The following TRMT10C variants were observed in gnomAD, a reference collection of about 807,000 sequenced individuals.
TRMT10C encodes the protein tRNA methyltransferase 10 homolog C.
In TRMT10C, 14 loss-of-function variants were observed where a neutral mutation model predicts 27.4. The ratio of observed to expected loss-of-function variants is 0.51; its 90% CI spans 0.34 to 0.80. TRMT10C has a LOEUF of 0.80. TRMT10C is among the 30% of genes least tolerant of loss of function. TRMT10C has a pLI of 0.02. For missense variants in TRMT10C, 438 were observed against 464.8 expected (o/e 0.94, Z 0.53); for synonymous variants, 143 against 155.9 (o/e 0.92, Z 0.62).
chr3:101,564,468 C>T (rs1934475314), intron 1 of TRMT10C, among the ~76,000 whole-genome samples: 1 of 151,844 alleles, frequency 6.6e-6, no homozygotes, highest in Non-Finnish European at 1.5e-5. Context: ...CCATGTTGGC[C>T]AGGCTAGTCT....
In TRMT10C at chr3:101,566,137, A is replaced by T; in HGVS notation, c.*144A>T. 1.1e-6 allele frequency: 1 copy of T among 948,254 alleles called. No individual in the cohort carries two copies. Among genetic ancestry groups the T allele is most frequent in the Non-Finnish European group, 1.5e-6 (1 of 652,028 alleles). The allele number at this position is 948,254 out of a possible 1,614,324, so 58.7% of individuals were successfully genotyped here. On this transcript the variant is annotated 3_prime_UTR_variant, in exon 2 of 2. Transcript: ENST00000309922. ...CAATTCATTTTTCTCTTCTAAAGGT[A>T]GTCTTTCCCAACTGACTGTAGGGTT...
chr3:101,564,068 C>T (rs1193545084), intron 1 of TRMT10C, among the ~76,000 whole-genome samples: 1 of 151,738 alleles, frequency 6.6e-6, no homozygotes, highest in Non-Finnish European at 1.5e-5. Flanking sequence ...ATGTTTGGTT[C>T]TGTATCTGGG....
chr3:101,564,878 T>A lies in TRMT10C; in HGVS notation c.97T>A (p.Leu33Ile). 1.2e-6 allele frequency: 2 copies of A among 1,614,082 alleles called. No individual in the cohort carries two copies. Among genetic ancestry groups the A allele is most frequent in the Non-Finnish European group, 1.7e-6 (2 of 1,179,998 alleles). Residue 33 changes from leucine (L) to isoleucine (I), a missense_variant, in exon 2 of 2, where the codon TTA (leucine) becomes ATA (isoleucine). Coordinates refer to ENST00000309922, the MANE Select transcript of TRMT10C (RefSeq NM_017819.4). ...PFTLHRKRNN[L>I]TILQRYMSSK... ...TACCCTTCATAGGAAGAGAAATAAC[T>A]TAACAATTTTGCAGAGATACATGTC... is the stretch of plus-strand genomic sequence containing the variant.
rs1250671577 is a variant in TRMT10C at position 101,565,825 on chromosome 3, CA to C, written c.1049del (p.Asn350IlefsTer4). Reference protein sequence around the residue: ...DKYLQWEIGNKNLTLDQMIRI... With the variant: ...DKYLQWEIGNXNLTLDQMIRI... ...AATATTTACAATGGGAAATTGGTAA[CA>C]AAAATCTCACCTTAGATCAAATGAT... On this transcript the variant is annotated frameshift_variant, in exon 2 of 2. Transcript: ENST00000309922. LOFTEE classifies it high-confidence loss of function. 6.2e-7 allele frequency: 1 copy of C among 1,613,952 alleles called. No individual in the cohort carries two copies. The highest frequency in any genetic ancestry group is 8.5e-7 in the Non-Finnish European group (1 of 1,179,940).
chr3:101,562,843 G>A (rs1461263130), intron 1 of TRMT10C, among the ~76,000 whole-genome samples: 2 of 152,046 alleles, frequency 1.3e-5, no homozygotes, highest in Non-Finnish European at 2.9e-5. Context: ...ACCATCTAGT[G>A]AGGCAAATAG....
At chr3:101,564,135 A>G (rs1934469257) in intron 1 of TRMT10C, among the ~76,000 whole-genome samples, 1 of 152,056 alleles carries the variant, frequency 6.6e-6, no homozygotes, top group African/African-American at 2.4e-5. Context: ...TCGGTGGTAC[A>G]TAACTTTGTT....
intron 1 of TRMT10C, among the ~76,000 whole-genome samples, chr3:101,563,197 C>T (rs1160178642): frequency 6.6e-6 from 1 of 151,192 alleles, no homozygotes; most frequent in Admixed American, 6.6e-5. Flanking sequence ...CTCACTGCAA[C>T]TTCCGCCCCC....
Position 101,564,804 on chromosome 3 carries a change from G to T in TRMT10C, c.23G>T (p.Ser8Ile). The T allele has an allele frequency of 6.3e-7, 1 of 1,597,342 alleles. No homozygotes were observed. The highest frequency in any genetic ancestry group is 8.5e-7 in the Non-Finnish European group (1 of 1,170,140). Residue 8 changes from serine (S) to isoleucine (I), a missense_variant, in exon 2 of 2, where the codon AGT becomes ATT. This residue lies in a region of TRMT10C where 350 missense variants were observed against 370.5 expected (regional missense o/e 0.94). Transcript: ENST00000309922. Reference sequence around the variant, plus strand: ...TACATGGCTGCTTTCCTCAAAATGAGTGTTAGTGTCAATTTCTTCAGACCT... The same window carrying T: ...TACATGGCTGCTTTCCTCAAAATGATTGTTAGTGTCAATTTCTTCAGACCT... MAAFLKM[S>I]VSVNFFRPFT...
At chr3:101,564,125 T>C (rs1934468978) in intron 1 of TRMT10C, among the ~76,000 whole-genome samples, 1 of 152,156 alleles carries the variant, frequency 6.6e-6, no homozygotes. Flanking sequence ...GTCAGCTGCC[T>C]CGGTGGTACA....
At position 101,566,246 on chromosome 3, in the gene TRMT10C, G is replaced by A. The variant is rs3177685; in HGVS notation, c.*253G>A. 8.1e-6 allele frequency: 3 copies of A among 371,008 alleles called. No homozygotes were observed. Among genetic ancestry groups the A allele is most frequent in the Middle Eastern group, 8.1e-4 (1 of 1,232 alleles). The allele number at this position is 371,008 out of a possible 1,614,324, so 23.0% of individuals were successfully genotyped here. ...AAAGATAATAAAAAGAGTTGTCCAA[G>A]ATTGTTGAACAGAATAATCTTTATC... On this transcript the variant is annotated 3_prime_UTR_variant, in exon 2 of 2. Transcript: ENST00000309922.
chr3:101,562,644 T>C (rs1168869992), intron 1 of TRMT10C, among the ~76,000 whole-genome samples: 2 of 150,334 alleles, frequency 1.3e-5, no homozygotes, highest in Non-Finnish European at 3.0e-5. Flanking sequence ...CGAGACTCCG[T>C]CTCAAAAAAA....
At chr3:101,563,293 G>C (rs1344918113) in intron 1 of TRMT10C, among the ~76,000 whole-genome samples, 1 of 149,114 alleles carries the variant, frequency 6.7e-6, no homozygotes, top group African/African-American at 2.5e-5. Flanking sequence ...GAGTACCTGG[G>C]ATTACAGGCA....
Position 101,565,200 on chromosome 3 carries a change from A to G in TRMT10C, c.419A>G (p.Glu140Gly). ...TATTTAAAATATTTATATACGAAGG[A>G]AAAAGTGAAAAAAGCTAGGCAAATA... ...KKYLKYLYTKEKVKKARQIKK... is the reference protein window; with the variant it reads ...KKYLKYLYTKGKVKKARQIKK... The change falls in exon 2 of 2, where the codon GAA (glutamate) becomes GGA (glycine). Residue 140 changes from glutamate (E) to glycine (G), a missense_variant. Around this residue, in one of 3 missense-constraint regions of TRMT10C, gnomAD observed 350 missense variants for 370.5 expected, o/e 0.94. Transcript: ENST00000309922. 1 of 1,579,984 alleles carries G rather than the reference A, an allele frequency of 6.3e-7. No individual in the cohort carries two copies. Among genetic ancestry groups the G allele is most frequent in the Non-Finnish European group, 8.6e-7 (1 of 1,166,072 alleles).
intron 1 of TRMT10C, among the ~76,000 whole-genome samples, chr3:101,564,531 AT>A (rs571065333): frequency 7.0e-4 from 107 of 152,236 alleles, no homozygotes; most frequent in Non-Finnish European, 1.2e-3. Flanking sequence ...AAGTGCTGGG[AT>A]TACAGGCATG....
chr3:101,566,252 T>A lies in TRMT10C; in HGVS notation c.*259T>A. 1 of 353,074 alleles carries A rather than the reference T, an allele frequency of 2.8e-6. No individual in the cohort carries two copies. The highest frequency in any genetic ancestry group is 5.4e-6 in the Non-Finnish European group (1 of 185,604). The allele number at this position is 353,074 out of a possible 1,614,324, so 21.9% of individuals were successfully genotyped here. A position where few individuals can be genotyped will look rare whatever the true frequency, so the allele number is the denominator to read the frequency against. On this transcript the variant is annotated 3_prime_UTR_variant, in exon 2 of 2. Transcript: ENST00000309922. ...AATAAAAAGAGTTGTCCAAGATTGT[T>A]GAACAGAATAATCTTTATCCCAGTT...
In TRMT10C at chr3:101,565,816, A is replaced by C. The variant is rs1171569748; in HGVS notation, c.1035A>C (p.Glu345Asp). The C allele has an allele frequency of 2.5e-6, 4 of 1,613,980 alleles. No individual in the cohort carries two copies. The highest frequency in any genetic ancestry group is 3.4e-6 in the Non-Finnish European group (4 of 1,179,982). Residue 345 changes from glutamate (E) to aspartate (D), a missense_variant, in exon 2 of 2, where the codon GAA (glutamate) becomes GAC (aspartate). Physicochemically the swap from Glu to Asp is conservative, Grantham distance 45 (BLOSUM62 2). Around this residue, in one of 3 missense-constraint regions of TRMT10C, gnomAD observed 84 missense variants for 76.5 expected, o/e 1.10. Transcript: ENST00000309922. ...CATTAGATAAATATTTACAATGGGA[A>C]ATTGGTAACAAAAATCTCACCTTAG... Reference protein sequence around the residue: ...CLPLDKYLQWEIGNKNLTLDQ... With the variant: ...CLPLDKYLQWDIGNKNLTLDQ...
chr3:101,566,294 G>T lies in TRMT10C; in HGVS notation c.*301G>T. On this transcript the variant is annotated 3_prime_UTR_variant, in exon 2 of 2. Transcript: ENST00000309922. ...ATCCCAGTTAAATAGTTGTACCATT[G>T]GTAGACTTTTTTATGGAGGTTCCTA... 4.3e-6 allele frequency: 1 copy of T among 235,268 alleles called. No individual in the cohort carries two copies. The highest frequency in any genetic ancestry group is 9.9e-5 in the South Asian group (1 of 10,074). 14.6% of individuals were successfully genotyped at this position (235,268 alleles called of 1,614,324 possible).
chr3:101,564,972 A>G lies in TRMT10C; in HGVS notation c.191A>G (p.Asp64Gly), dbSNP rs1934485077. The change falls in exon 2 of 2, where the codon GAT becomes GGT. Residue 64 changes from aspartate to glycine, a missense_variant. By Grantham distance (94) the Asp-to-Gly change is moderately conservative. Transcript: ENST00000309922. ...STPPSEELEL[D>G]KWKTTMKSSV... is the part of the protein sequence containing the mutation. The stretch of plus-strand genomic sequence containing the variant: ...CCCCCTTCTGAAGAGCTAGAGTTGG[A>G]TAAGTGGAAAACTACCATGAAATCT... 3.1e-6 allele frequency: 5 copies of G among 1,613,994 alleles called. No homozygotes were observed. Among genetic ancestry groups the G allele is most frequent in the Non-Finnish European group, 4.2e-6 (5 of 1,179,994 alleles).
At position 101,565,105 on chromosome 3, in the gene TRMT10C, A is replaced by G. The variant is rs759625305; in HGVS notation, c.324A>G (p.Val108=). 18 of 1,614,004 alleles carry G rather than the reference A, an allele frequency of 1.1e-5. No homozygotes were observed. Among genetic ancestry groups the G allele is most frequent in the Non-Finnish European group, 1.5e-5 (18 of 1,180,028 alleles). Residue 108 remains valine (V), a synonymous_variant, in exon 2 of 2, where the codon GTA becomes GTG. Transcript: ENST00000309922. ...IEMWRLLGRE[V]PEHITEEELK... Reference sequence around the variant, plus strand: ...TGTGGAGATTGCTTGGCAGAGAAGTACCAGAACACATCACTGAAGAAGAGC... The same window carrying G: ...TGTGGAGATTGCTTGGCAGAGAAGTGCCAGAACACATCACTGAAGAAGAGC...
Sources: gnomAD v4.1 joint callset for allele counts (sites outside exome capture counted in the v4.1 genomes callset) on GRCh38, gnomAD v4.1.1 for gene constraint, gnomAD v4.1.1 regional missense constraint, MANE v1.5 for transcripts, NCBI Gene and HGNC (gene_info 2026-07-23, HGNC 2026-07-21) for gene names.